LRRC28: variants seen among roughly 807,000 people sequenced by gnomAD.
The protein encoded by LRRC28 is leucine-rich repeat-containing protein 28.
LRRC28 carries 39 observed loss-of-function variants against 45.7 expected under a neutral mutation model. That is an observed-to-expected ratio of 0.85 (90% confidence interval 0.66 to 1.12). The LOEUF is 1.12. Among genes scored for constraint, LRRC28 ranks in the 50% most tolerant of loss-of-function variants. The pLI, the probability that LRRC28 is intolerant of heterozygous loss-of-function variation, is 0.00. For synonymous variants in LRRC28, 206 were observed against 178.8 expected (o/e 1.15, Z -1.22); for missense variants, 435 against 438.5 (o/e 0.99, Z 0.07).
intron 7 of LRRC28, among the ~76,000 whole-genome samples, chr15:99,360,463 G>T (rs1957170161): frequency 6.6e-6 from 1 of 152,062 alleles, no homozygotes; most frequent in African/African-American, 2.4e-5. Context: ...CTGGCATATA[G>T]TAAGTGCTCT....
At position 99,385,979 on chromosome 15, in the gene LRRC28, G is replaced by A. The variant is rs1364442406; in HGVS notation, c.1032-51G>A. The A allele has an allele frequency of 2.6e-6, 4 of 1,527,992 alleles. No homozygotes were observed. In the Admixed American group the frequency reaches 5.0e-5, roughly 19 times the overall value. 94.7% of individuals were successfully genotyped at this position (1,527,992 alleles called of 1,614,324 possible). On this transcript the variant is annotated intron_variant, in intron 9 of 9. Coordinates refer to ENST00000301981, the MANE Select transcript of LRRC28 (RefSeq NM_144598.5). The stretch of plus-strand genomic sequence containing the variant: ...AAAGTTTCCAGCAGAAAGAATCAGA[G>A]ACTTTAATCTTGAACTCACAGCGTT...
rs531905755 is a variant in LRRC28 at position 99,287,946 on chromosome 15, C to T, written c.380C>T (p.Pro127Leu). 9.3e-6 allele frequency: 15 copies of T among 1,613,102 alleles called. No individual in the cohort carries two copies. The South Asian group carries it at 1.1e-4, about 12-fold the overall frequency. ...RLANNQLQFL[P>L]PEVGDLKELQ... ...GCTAATAACCAACTGCAATTCCTACCTCCAGGTAATCATAGTCTCTAGCAC... is the reference window on the plus strand; with the variant it reads ...GCTAATAACCAACTGCAATTCCTACTTCCAGGTAATCATAGTCTCTAGCAC... Residue 127 changes from proline to leucine, a missense_variant, in exon 5 of 10, where the codon CCT becomes CTT. Transcript: ENST00000301981.
At chr15:99,272,774 G>A (rs572861600) in intron 2 of LRRC28, among the ~76,000 whole-genome samples, 1 of 152,234 alleles carries the variant, frequency 6.6e-6, no homozygotes, top group Admixed American at 6.5e-5. Flanking sequence ...TTAGTAGGAG[G>A]TATCTGAGTA....
intron 7 of LRRC28, among the ~76,000 whole-genome samples, chr15:99,359,285 T>C (rs1957133683): frequency 6.6e-6 from 1 of 152,172 alleles, no homozygotes; most frequent in Non-Finnish European, 1.5e-5. Context: ...AACATTTTTG[T>C]CGATAAATAT....
At chr15:99,299,664 A>G (rs2082348428) in intron 5 of LRRC28, among the ~76,000 whole-genome samples, 1 of 152,206 alleles carries the variant, frequency 6.6e-6, no homozygotes, top group Non-Finnish European at 1.5e-5. Flanking sequence ...ATGATTTGCC[A>G]AGGGTCAATG....
intron 6 of LRRC28, among the ~76,000 whole-genome samples, chr15:99,346,980 G>A (rs1350815109): frequency 6.6e-6 from 1 of 152,058 alleles, no homozygotes; most frequent in Non-Finnish European, 1.5e-5. Context: ...GGTTACTGTA[G>A]ACAAACAAAT....
intron 9 of LRRC28, among the ~76,000 whole-genome samples, chr15:99,372,620 T>G (rs1957514746): frequency 6.6e-6 from 1 of 152,192 alleles, no homozygotes; most frequent in African/African-American, 2.4e-5. Flanking sequence ...ATTTATTTGT[T>G]GCACAAATAT....
At chr15:99,383,314 C>A (rs756476188) in intron 9 of LRRC28, among the ~76,000 whole-genome samples, 2 of 152,206 alleles carry the variant, frequency 1.3e-5, no homozygotes, top group African/African-American at 4.8e-5. Context: ...ACCCAGGGAA[C>A]GTGCCAGCAC....
chr15:99,372,072 C>T, intron 9 of LRRC28, among the ~76,000 whole-genome samples: 1 of 152,246 alleles, frequency 6.6e-6, no homozygotes, highest in East Asian at 1.9e-4. Context: ...TGTACACAAG[C>T]TCAGGATTTT....
intron 1 of LRRC28, among the ~76,000 whole-genome samples, chr15:99,252,725 A>G (rs564616247): frequency 7.2e-5 from 11 of 152,338 alleles, no homozygotes; most frequent in South Asian, 6.2e-4. Flanking sequence ...CAACCTTGCA[A>G]TGTTCTTCCA....
intron 5 of LRRC28, among the ~76,000 whole-genome samples, chr15:99,324,367 G>A (rs1049995653): frequency 6.6e-5 from 10 of 152,112 alleles, no homozygotes; most frequent in Admixed American, 2.0e-4. Flanking sequence ...GCTAAACCGC[G>A]GATAAAGGGG....
intron 2 of LRRC28, among the ~76,000 whole-genome samples, chr15:99,261,697 G>T (rs2152129510): frequency 6.6e-6 from 1 of 150,462 alleles, no homozygotes; most frequent in Middle Eastern, 3.4e-3. Flanking sequence ...CACTCTTGTT[G>T]CCCAGGCTGG....
intron 2 of LRRC28, among the ~76,000 whole-genome samples, chr15:99,270,105 C>T (rs1288879891): frequency 3.3e-5 from 5 of 152,150 alleles, no homozygotes; most frequent in African/African-American, 7.2e-5. Flanking sequence ...AATCTGGACA[C>T]GTGGTATTTA....
intron 7 of LRRC28, among the ~76,000 whole-genome samples, chr15:99,359,337 G>C (rs1957134931): frequency 6.6e-6 from 1 of 152,192 alleles, no homozygotes; most frequent in Non-Finnish European, 1.5e-5. Flanking sequence ...CAATATGGAA[G>C]TTCCTACAAA....
chr15:99,273,224 G>T (rs2081527263), intron 2 of LRRC28, among the ~76,000 whole-genome samples: 1 of 150,326 alleles, frequency 6.7e-6, no homozygotes, highest in East Asian at 2.0e-4. Flanking sequence ...TAAGTGTGTG[G>T]TGTGTTTTTT....
chr15:99,355,966 A>G (rs143863252), intron 7 of LRRC28, among the ~76,000 whole-genome samples: 80 of 152,312 alleles, frequency 5.3e-4, no homozygotes, highest in African/African-American at 1.9e-3. Context: ...GGATACCTGA[A>G]ACACACTTCA....
At chr15:99,275,507 G>T (rs1451452703) in intron 2 of LRRC28, among the ~76,000 whole-genome samples, 1 of 152,228 alleles carries the variant, frequency 6.6e-6, no homozygotes, top group African/African-American at 2.4e-5. Context: ...TTCTCTCGAG[G>T]AGCATGATTT....
At chr15:99,265,742 G>A (rs891097503) in intron 2 of LRRC28, among the ~76,000 whole-genome samples, 17 of 152,172 alleles carry the variant, frequency 1.1e-4, no homozygotes, top group African/African-American at 4.1e-4. Context: ...GGACTGAGAG[G>A]TAAGAGAGGT....
intron 9 of LRRC28, among the ~76,000 whole-genome samples, chr15:99,378,993 A>G (rs1362877128): frequency 6.6e-6 from 1 of 150,666 alleles, no homozygotes; most frequent in East Asian, 1.9e-4. Flanking sequence ...ATATTGGTCT[A>G]AAATTCTCTT....
Sources: gnomAD v4.1 joint callset for allele counts (sites outside exome capture counted in the v4.1 genomes callset) on GRCh38, gnomAD v4.1.1 for gene constraint, MANE v1.5 for transcripts, NCBI Gene and HGNC (gene_info 2026-07-23, HGNC 2026-07-21) for gene names.